Variants in ITGA4 observed in about 807,000 individuals in gnomAD.
ITGA4 encodes integrin alpha-4.
In ITGA4, 63 loss-of-function variants were observed where a neutral mutation model predicts 133.6. The ratio of observed to expected loss-of-function variants is 0.47; its 90% CI spans 0.38 to 0.58. The LOEUF is 0.58. ITGA4 is among the 20% of genes least tolerant of loss of function. ITGA4 has a pLI of 0.00. For synonymous variants in ITGA4, 483 were observed against 438.0 expected (o/e 1.10, Z -1.28); for missense variants, 1,076 against 1,252.7 (o/e 0.86, Z 2.13).
intron 2 of ITGA4, among the ~76,000 whole-genome samples, chr2:181,464,019 T>C (rs980220295): frequency 6.6e-6 from 1 of 152,078 alleles, no homozygotes; most frequent in South Asian, 2.1e-4. Flanking sequence ...AGGGCACCAG[T>C]AGTTTCCAGA....
Position 181,537,734 on chromosome 2 carries a change from C to T in ITGA4, c.*2207C>T, listed in dbSNP as rs202167389. ...AGTTTTTTTGTGTGTCCAATAAACA[C>T]ATTGTAAAAAAAAGAATTTGAATTG... On this transcript the variant is annotated 3_prime_UTR_variant, in exon 28 of 28. Transcript: ENST00000397033. 3.4e-5 allele frequency: 15 copies of T among 439,380 alleles called. No homozygotes were observed. Among genetic ancestry groups the T allele is most frequent in the Middle Eastern group, 7.4e-4 (1 of 1,348 alleles). The allele number at this position is 439,380 out of a possible 1,614,324, so 27.2% of individuals were successfully genotyped here.
chr2:181,477,274 A>G lies in ITGA4; in HGVS notation c.557-1483A>G, dbSNP rs1002207148. ...AACCATAAAATTTCTAGTGGAAAAC[A>G]TAAGAGAAAAGCTACTTGACATTAG... On this transcript the variant is annotated intron_variant, in intron 4 of 27. Coordinates refer to ENST00000397033, the MANE Select transcript of ITGA4 (RefSeq NM_000885.6). Among the ~76,000 whole-genome samples the G allele has an allele frequency of 2.6e-5, 4 of 152,130 alleles. No homozygotes were observed. The East Asian group carries it at 5.8e-4, about 22-fold the overall frequency.
Position 181,537,734 on chromosome 2 carries a change from CATT to C in ITGA4, c.*2208_*2210del, listed in dbSNP as rs1559064566. On this transcript the variant is annotated 3_prime_UTR_variant, in exon 28 of 28. Coordinates refer to ENST00000397033, the MANE Select transcript of ITGA4 (RefSeq NM_000885.6). ...AGTTTTTTTGTGTGTCCAATAAACACATTGTAAAAAAAAGAATTTGAATTGATA... is the reference window on the plus strand; with the variant it reads ...AGTTTTTTTGTGTGTCCAATAAACACGTAAAAAAAAGAATTTGAATTGATA... The C allele has an allele frequency of 2.3e-6, 1 of 439,380 alleles. No individual in the cohort carries two copies. The highest frequency in any genetic ancestry group is 2.0e-5 in the African/African-American group (1 of 49,392). 27.2% of individuals were successfully genotyped at this position (439,380 alleles called of 1,614,324 possible). A position where few individuals can be genotyped will look rare whatever the true frequency, so the allele number is the denominator to read the frequency against.
chr2:181,514,820 A>G (rs1686574558), intron 17 of ITGA4, among the ~76,000 whole-genome samples: 3 of 152,152 alleles, frequency 2.0e-5, no homozygotes, highest in African/African-American at 7.2e-5. Flanking sequence ...TTCCTGAATA[A>G]TGAAAATGCA....
At chr2:181,465,250 C>T (rs184882080) in intron 2 of ITGA4, among the ~76,000 whole-genome samples, 1 of 152,198 alleles carries the variant, frequency 6.6e-6, no homozygotes, top group Non-Finnish European at 1.5e-5. Flanking sequence ...CACATTTTAT[C>T]CTTTAAACTC....
intron 15 of ITGA4, among the ~76,000 whole-genome samples, chr2:181,509,135 TAAAAAAAAAAAAAAAAAAAAAAA>T (rs57180154): frequency 6.7e-5 from 3 of 44,674 alleles, no homozygotes; most frequent in African/African-American, 3.0e-4. Context: ...TCCCATCTCT[TAAAAAAAAAAAAAAAAAAAAAAA>T]AAAAAAAAAA....
chr2:181,475,382 A>T, intron 4 of ITGA4, 94 bp downstream of exon 4: 1 of 978,190 alleles, frequency 1.0e-6, no homozygotes, highest in Non-Finnish European at 1.6e-6. Flanking sequence ...TGTTCAGAGG[A>T]GAGGGAGATC....
At chr2:181,482,673 G>C in intron 9 of ITGA4, 22 bp downstream of exon 9, 1 of 1,607,648 alleles carries the variant, frequency 6.2e-7, no homozygotes, top group South Asian at 1.1e-5. Flanking sequence ...TGCCCCAACT[G>C]GAAGCCATTT....
At chr2:181,469,150 C>T (rs977706214) in intron 2 of ITGA4, among the ~76,000 whole-genome samples, 2 of 152,128 alleles carry the variant, frequency 1.3e-5, no homozygotes, top group Non-Finnish European at 2.9e-5. Context: ...TTCTAATAAT[C>T]GTCATTTTTG....
Position 181,495,226 on chromosome 2 carries a change from G to GT in ITGA4, c.1340-144dup. ...GATTCAGAGAAAAGTGGAAAGAATC[G>GT]TAAGATGTTAGCATATATTCTCTAA... On this transcript the variant is annotated intron_variant, in intron 12 of 27. Coordinates refer to ENST00000397033, the MANE Select transcript of ITGA4 (RefSeq NM_000885.6). This position sits in a 1 kb window ranked among gnomAD's most constrained non-coding sequence, Gnocchi z 4.3. 2 of 619,128 alleles carry GT rather than the reference G, an allele frequency of 3.2e-6. No homozygotes were observed. Among genetic ancestry groups the GT allele is most frequent in the South Asian group, 2.1e-5 (1 of 47,982 alleles). The allele number at this position is 619,128 out of a possible 1,614,324, so 38.4% of individuals were successfully genotyped here.
intron 10 of ITGA4, chr2:181,486,194 TG>T (rs2105736920): frequency 1.9e-6 from 1 of 530,138 alleles, no homozygotes; most frequent in Non-Finnish European, 3.1e-6. Flanking sequence ...TAATAATGGA[TG>T]ATATTCAAAA....
At chr2:181,492,395 C>A (rs1426018589) in intron 10 of ITGA4, among the ~76,000 whole-genome samples, 1 of 152,086 alleles carries the variant, frequency 6.6e-6, no homozygotes, top group Non-Finnish European at 1.5e-5. Context: ...CCCAAAATTA[C>A]CACTATAGTT....
intron 2 of ITGA4, among the ~76,000 whole-genome samples, chr2:181,463,312 T>TG: frequency 6.6e-6 from 1 of 152,240 alleles, no homozygotes; most frequent in South Asian, 2.1e-4. Context: ...TATTTAAAAC[T>TG]GGGGAGTGAC....
rs1687067199 is a variant in ITGA4 at position 181,535,938 on chromosome 2, A to C, written c.*411A>C. 6.5e-6 allele frequency: 1 copy of C among 152,744 alleles called. No individual in the cohort carries two copies. Among genetic ancestry groups the C allele is most frequent in the East Asian group, 1.9e-4 (1 of 5,214 alleles). 9.5% of individuals were successfully genotyped at this position (152,744 alleles called of 1,614,324 possible). ...CTGGGTGGGCAGAGGTTCATTTCAA[A>C]TACATCTTTGATACTTGTTCAAAAT... On this transcript the variant is annotated 3_prime_UTR_variant, in exon 28 of 28. Coordinates refer to ENST00000397033, the MANE Select transcript of ITGA4 (RefSeq NM_000885.6).
intron 2 of ITGA4, among the ~76,000 whole-genome samples, chr2:181,474,284 A>G (rs1041379076): frequency 1.1e-4 from 16 of 152,236 alleles, no homozygotes; most frequent in African/African-American, 3.6e-4. Context: ...CATTTTATTT[A>G]TGTTTGGCTA....
intron 26 of ITGA4, 140 bp from the exon 27 acceptor site, chr2:181,534,676 A>C (rs1687018195): frequency 2.8e-6 from 2 of 716,278 alleles, no homozygotes; most frequent in Non-Finnish European, 4.6e-6. Flanking sequence ...CTGCAATTAT[A>C]TTAGAACCAG....
Position 181,457,759 on chromosome 2 carries a change from C to T in ITGA4, c.105C>T (p.Asn35=), listed in dbSNP as rs1186977900. 4.3e-6 allele frequency: 7 copies of T among 1,613,500 alleles called. No homozygotes were observed. Among genetic ancestry groups the T allele is most frequent in the Non-Finnish European group, 5.9e-6 (7 of 1,179,984 alleles). Residue 35 remains asparagine (N), a synonymous_variant, in exon 1 of 28, where the codon AAC becomes AAT. Coordinates refer to ENST00000397033, the MANE Select transcript of ITGA4 (RefSeq NM_000885.6). Reference sequence around the variant, plus strand: ...GGGTCCCGACCGGCCGCCCCTACAACGTGGACACTGAGAGCGCGCTGCTTT... The same window carrying T: ...GGGTCCCGACCGGCCGCCCCTACAATGTGGACACTGAGAGCGCGCTGCTTT... ...CLGVPTGRPY[N]VDTESALLYQ...
intron 17 of ITGA4, among the ~76,000 whole-genome samples, chr2:181,519,856 A>G (rs777675863): frequency 6.6e-6 from 1 of 152,030 alleles, no homozygotes; most frequent in Non-Finnish European, 1.5e-5. Flanking sequence ...TAGACTTCTA[A>G]CAGTCAATAA....
chr2:181,509,269 T>C (rs1379325772), intron 15 of ITGA4, among the ~76,000 whole-genome samples: 1 of 147,236 alleles, frequency 6.8e-6, no homozygotes, highest in African/African-American at 2.5e-5. Flanking sequence ...AGAAAATGTA[T>C]AGGGTAAAGT....
Sources: gnomAD v4.1 joint callset for allele counts (sites outside exome capture counted in the v4.1 genomes callset) on GRCh38, gnomAD v4.1.1 for gene constraint, Gnocchi (gnomAD v3.1) non-coding constraint, MANE v1.5 for transcripts, NCBI Gene and HGNC (gene_info 2026-07-23, HGNC 2026-07-21) for gene names.